Variants in SEMA4F observed in about 807,000 individuals in gnomAD.
SEMA4F encodes ssemaphorin 4F.
SEMA4F carries 51 observed loss-of-function variants against 78.4 expected under a neutral mutation model. That is an observed-to-expected ratio of 0.65 (90% confidence interval 0.52 to 0.82). The LOEUF is 0.82. Ranked by LOEUF, SEMA4F falls within the 40% of genes least tolerant of loss-of-function variation. The probability of loss-of-function intolerance (pLI) is 0.00; values close to 1 mark genes in which losing one functional copy is unlikely to be tolerated. For synonymous variants in SEMA4F, 418 were observed against 408.7 expected, an observed-to-expected ratio of 1.02 and a Z score of -0.27; for missense variants, 938 against 1,014.4, an observed-to-expected ratio of 0.92 and a Z score of 1.02.
At chr2:74,675,135 T>A in intron 9 of SEMA4F, 27 bp from the exon 10 acceptor site, 3 of 1,613,902 alleles carry the variant, frequency 1.9e-6, no homozygotes, top group Non-Finnish European at 2.5e-6. Flanking sequence ...CTGGGAAACT[T>A]TGTCACCAGC....
the SEMA4F span, among the ~76,000 whole-genome samples, chr2:74,692,549 T>C: frequency 6.6e-6 from 1 of 152,222 alleles, no homozygotes; most frequent in African/African-American, 2.4e-5. Flanking sequence ...CAAAGGCTTC[T>C]GTTGGATGTG....
chr2:74,697,922 T>A, the SEMA4F span, among the ~76,000 whole-genome samples: 1 of 152,206 alleles, frequency 6.6e-6, no homozygotes, highest in South Asian at 2.1e-4. Context: ...AAAAGCCCTG[T>A]GCACTGGCCT....
At chr2:74,666,055 C>T (rs1278668882) in intron 5 of SEMA4F, among the ~76,000 whole-genome samples, 1 of 152,022 alleles carries the variant, frequency 6.6e-6, no homozygotes, top group African/African-American at 2.4e-5. Context: ...TTACAGGCGC[C>T]CACCACCACT....
downstream of SEMA4F, among the ~76,000 whole-genome samples, chr2:74,687,239 T>G (rs1685843626): frequency 6.6e-6 from 1 of 152,232 alleles, no homozygotes; most frequent in Non-Finnish European, 1.5e-5. Context: ...GAGAACTAGT[T>G]GTTTCCCCTG....
intron 13 of SEMA4F, 55 bp downstream of exon 13, chr2:74,679,389 C>T: frequency 6.6e-7 from 1 of 1,513,662 alleles, no homozygotes; most frequent in Non-Finnish European, 9.2e-7. Flanking sequence ...TGGAAAGGGG[C>T]TAGAGAGTTG....
chr2:74,663,073 C>T (rs1188503577), intron 5 of SEMA4F, among the ~76,000 whole-genome samples: 1 of 152,176 alleles, frequency 6.6e-6, no homozygotes, highest in Non-Finnish European at 1.5e-5. Flanking sequence ...CCTCTCTTAA[C>T]CTCATTTTCT....
At chr2:74,676,848 T>G (rs1685316340) in intron 12 of SEMA4F, among the ~76,000 whole-genome samples, 1 of 152,194 alleles carries the variant, frequency 6.6e-6, no homozygotes, top group Admixed American at 6.6e-5. Flanking sequence ...CATTATATCA[T>G]ATTCATCTTA....
chr2:74,654,512 C>G lies in SEMA4F; in HGVS notation c.136C>G (p.Pro46Ala). The G allele has an allele frequency of 6.4e-7, 1 of 1,568,146 alleles. No individual in the cohort carries two copies. The highest frequency in any genetic ancestry group is 8.6e-7 in the Non-Finnish European group (1 of 1,160,600). Reference sequence around the variant, plus strand: ...CCGCTCGGTGCCCAGAACCTCGCTTCCAATCTCTGGTAAGGCGCGGACGCC... The same window carrying G: ...CCGCTCGGTGCCCAGAACCTCGCTTGCAATCTCTGGTAAGGCGCGGACGCC... ...VPRSVPRTSL[P>A]ISEADSCLTR... Residue 46 changes from proline to alanine, a missense_variant, in exon 1 of 14, where the codon CCA becomes GCA. Physicochemically the swap from Pro to Ala is conservative, Grantham distance 27. Coordinates refer to ENST00000357877, the MANE Select transcript of SEMA4F (RefSeq NM_004263.5).
chr2:74,691,839 C>T, the SEMA4F span, among the ~76,000 whole-genome samples: 1 of 152,108 alleles, frequency 6.6e-6, no homozygotes, highest in Non-Finnish European at 1.5e-5. Flanking sequence ...ATGATTATGC[C>T]AATATTTTTC....
the SEMA4F span, among the ~76,000 whole-genome samples, chr2:74,693,053 T>C: frequency 3.3e-3 from 504 of 152,334 alleles, 2 homozygotes; most frequent in African/African-American, 0.012. Context: ...TTTTGGTGGA[T>C]TTCCTTTCAG....
intron 5 of SEMA4F, among the ~76,000 whole-genome samples, chr2:74,667,429 C>T (rs1021273161): frequency 7.2e-5 from 11 of 152,220 alleles, no homozygotes; most frequent in Non-Finnish European, 1.6e-4. Flanking sequence ...GCTAAAGGGC[C>T]TGTCCCATTG....
At chr2:74,692,051 G>A in the SEMA4F span, among the ~76,000 whole-genome samples, 1 of 152,124 alleles carries the variant, frequency 6.6e-6, no homozygotes, top group Non-Finnish European at 1.5e-5. Context: ...TGGGGTGTGG[G>A]GCAAGTACCA....
chr2:74,684,088 CTTT>C (rs34924559), downstream of SEMA4F, among the ~76,000 whole-genome samples: 43 of 142,426 alleles, frequency 3.0e-4, no homozygotes, highest in African/African-American at 8.9e-4. Context: ...ACCAAATTAA[CTTT>C]TTTTTTTTTT....
chr2:74,699,437 C>T, the SEMA4F span, among the ~76,000 whole-genome samples: 1 of 152,196 alleles, frequency 6.6e-6, no homozygotes, highest in Non-Finnish European at 1.5e-5. Context: ...GAACTATCCC[C>T]TACACCCACA....
chr2:74,676,525 G>T (rs534306328), intron 12 of SEMA4F, among the ~76,000 whole-genome samples: 2 of 152,292 alleles, frequency 1.3e-5, no homozygotes, highest in South Asian at 4.1e-4. Flanking sequence ...ATGCACTGTT[G>T]TTTCCTCTTT....
At chr2:74,676,481 C>T (rs957846618) in intron 12 of SEMA4F, among the ~76,000 whole-genome samples, 4 of 152,208 alleles carry the variant, frequency 2.6e-5, no homozygotes, top group African/African-American at 9.7e-5. Context: ...CCCTTGGATG[C>T]TTCATAAGCA....
rs1047766644 is a variant in SEMA4F, at chr2:74,681,959, T to C, written c.*1750T>C. On this transcript the variant is annotated 3_prime_UTR_variant, in exon 14 of 14. Transcript: ENST00000357877. ...AAGTAACCTAACCTAGGGACATCAGTTTACTCATCTGCGAAGTGGGGATAA... is the reference window on the plus strand; with the variant it reads ...AAGTAACCTAACCTAGGGACATCAGCTTACTCATCTGCGAAGTGGGGATAA... The C allele has an allele frequency of 2.0e-5, 3 of 152,592 alleles. No homozygotes were observed. Among genetic ancestry groups the C allele is most frequent in the African/African-American group, 7.2e-5 (3 of 41,442 alleles). The allele number at this position is 152,592 out of a possible 1,614,324, so 9.5% of individuals were successfully genotyped here. A position where few individuals can be genotyped will look rare whatever the true frequency, so the allele number is the denominator to read the frequency against.
intron 4 of SEMA4F, among the ~76,000 whole-genome samples, chr2:74,659,040 G>A (rs903215797): frequency 6.6e-6 from 1 of 152,128 alleles, no homozygotes; most frequent in Non-Finnish European, 1.5e-5. Context: ...GCCTTGGGGT[G>A]GGTTGGACTT....
intron 4 of SEMA4F, among the ~76,000 whole-genome samples, chr2:74,659,319 A>C (rs1684317465): frequency 6.6e-6 from 1 of 152,092 alleles, no homozygotes; most frequent in African/African-American, 2.4e-5. Flanking sequence ...AGACAGTGTG[A>C]TTGTTCTAAG....
Sources: gnomAD v4.1 joint callset for allele counts (sites outside exome capture counted in the v4.1 genomes callset) on GRCh38, gnomAD v4.1.1 for gene constraint, MANE v1.5 for transcripts, NCBI Gene and HGNC (gene_info 2026-07-23, HGNC 2026-07-21) for gene names.